Variants in SPOCK1 observed in about 807,000 individuals in gnomAD.
SPOCK1 encodes the protein testican-1.
SPOCK1 carries 23 observed loss-of-function variants against 55.3 expected under a neutral mutation model. That is an observed-to-expected ratio of 0.42 (90% confidence interval 0.30 to 0.59). The LOEUF is 0.59. SPOCK1 is among the 20% of genes least tolerant of loss of function. The pLI is 0.22. For synonymous variants in SPOCK1, 226 were observed against 221.0 expected, an observed-to-expected ratio of 1.02 and a Z score of -0.20; for missense variants, 499 against 552.5, an observed-to-expected ratio of 0.90 and a Z score of 0.97.
At chr5:137,186,137 T>C (rs145184544) in intron 3 of SPOCK1, among the ~76,000 whole-genome samples, 154 of 152,320 alleles carry the variant, frequency 1.0e-3, no homozygotes, top group Admixed American at 1.7e-3. Flanking sequence ...AGTCACCCCG[T>C]CTTTAACAAC....
chr5:137,042,665 T>C (rs1364004552), intron 6 of SPOCK1, among the ~76,000 whole-genome samples: 1 of 152,096 alleles, frequency 6.6e-6, no homozygotes, highest in African/African-American at 2.4e-5. Context: ...GATACTGGGA[T>C]TAAAGAATTA....
chr5:137,198,832 G>A lies in SPOCK1; in HGVS notation c.233-58138C>T, dbSNP rs181961250. On this transcript the variant is annotated intron_variant, in intron 3 of 10. Coordinates refer to ENST00000394945, the MANE Select transcript of SPOCK1 (RefSeq NM_004598.4). The stretch of plus-strand genomic sequence containing the variant: ...AAAACTCAACCATGTCTTCTATTAC[G>A]TGTTCTAAATTTTTATACATAACTC... Among the ~76,000 whole-genome samples, 7 of 152,160 alleles carry A rather than the reference G, an allele frequency of 4.6e-5. No homozygotes were observed. The East Asian group carries it at 7.7e-4, about 17-fold the overall frequency.
intron 2 of SPOCK1, among the ~76,000 whole-genome samples, chr5:137,356,826 TATATATATATATAGAGAGAG>T (rs1750819380): frequency 2.6e-4 from 5 of 19,338 alleles, no homozygotes; most frequent in South Asian, 2.7e-3. Flanking sequence ...TATATATATA[TATATATATATATAGAGAGAG>T]AGAGAGAGAG....
At chr5:137,116,494 A>C (rs1192619645) in intron 4 of SPOCK1, among the ~76,000 whole-genome samples, 1 of 151,928 alleles carries the variant, frequency 6.6e-6, no homozygotes, top group Non-Finnish European at 1.5e-5. Flanking sequence ...AAAATACAAA[A>C]AATTAGCTGG....
chr5:137,183,205 A>C (rs1459816615), intron 3 of SPOCK1, among the ~76,000 whole-genome samples: 2 of 152,192 alleles, frequency 1.3e-5, no homozygotes, highest in Non-Finnish European at 1.5e-5. Flanking sequence ...AAAGACTAAA[A>C]AGTACTCATC....
rs139694089 is a variant in SPOCK1 at position 137,220,564 on chromosome 5, C to A, written c.232+46446G>T. ...ACATAGGATGTAATAATTTGGCCCACATCACCCAGGTCTGACTCCTGAGTC... is the reference window on the plus strand; with the variant it reads ...ACATAGGATGTAATAATTTGGCCCAAATCACCCAGGTCTGACTCCTGAGTC... On this transcript the variant is annotated intron_variant, in intron 3 of 10. Coordinates refer to ENST00000394945, the MANE Select transcript of SPOCK1 (RefSeq NM_004598.4). Among the ~76,000 whole-genome samples the A allele has an allele frequency of 3.1e-3, 475 of 152,344 alleles. 3 individuals are homozygous for A. The highest frequency in any genetic ancestry group is 2.8e-3 in the Non-Finnish European group (191 of 68,030).
intron 3 of SPOCK1, among the ~76,000 whole-genome samples, chr5:137,203,554 T>C (rs1241463920): frequency 1.3e-5 from 2 of 152,172 alleles, no homozygotes; most frequent in Non-Finnish European, 2.9e-5. Flanking sequence ...GATTTCCTTA[T>C]CATTACTGCT....
chr5:137,498,765 G>A (rs1224995959), intron 1 of SPOCK1, among the ~76,000 whole-genome samples: 7 of 152,182 alleles, frequency 4.6e-5, no homozygotes, highest in Admixed American at 6.5e-5. Flanking sequence ...AGGAGGCTGC[G>A]TCACGAATCC....
At chr5:136,990,080 TTTTGTA>T (rs1295252622) in intron 7 of SPOCK1, among the ~76,000 whole-genome samples, 20 of 152,046 alleles carry the variant, frequency 1.3e-4, no homozygotes, top group Admixed American at 9.8e-4. Context: ...CAGCTAATTT[TTTTGTA>T]TTTTTAGTAG....
At chr5:137,080,404 G>T (rs1205458276) in intron 5 of SPOCK1, among the ~76,000 whole-genome samples, 1 of 152,180 alleles carries the variant, frequency 6.6e-6, no homozygotes, top group South Asian at 2.1e-4. Flanking sequence ...GCTGACAATG[G>T]TCTTCTCTGT....
chr5:137,114,270 G>A (rs1753533006), intron 4 of SPOCK1, among the ~76,000 whole-genome samples: 1 of 152,184 alleles, frequency 6.6e-6, no homozygotes, highest in South Asian at 2.1e-4. Context: ...GAAACTCAAT[G>A]AGAGCCAGAG....
intron 2 of SPOCK1, among the ~76,000 whole-genome samples, chr5:137,276,423 A>G (rs761570508): frequency 8.5e-5 from 13 of 152,210 alleles, no homozygotes; most frequent in Non-Finnish European, 1.3e-4. Context: ...CTGCCTGAAC[A>G]GAGCACTGAA....
chr5:137,093,711 A>G (rs189799743), intron 5 of SPOCK1, among the ~76,000 whole-genome samples: 224 of 152,306 alleles, frequency 1.5e-3, no homozygotes, highest in African/African-American at 5.2e-3. Context: ...CAGTCTAGGG[A>G]AACAGCATGC....
At chr5:137,075,964 CTG>C (rs1448841864) in intron 5 of SPOCK1, among the ~76,000 whole-genome samples, 29 of 152,202 alleles carry the variant, frequency 1.9e-4, no homozygotes, top group Admixed American at 1.3e-3. Flanking sequence ...TTTTACTTAA[CTG>C]GGATTTCGGA....
intron 2 of SPOCK1, among the ~76,000 whole-genome samples, chr5:137,269,116 G>A (rs1756912742): frequency 6.9e-6 from 1 of 145,328 alleles, no homozygotes; most frequent in African/African-American, 2.6e-5. Flanking sequence ...AAAAATCACA[G>A]TTTTAAGTAT....
chr5:137,068,296 A>G (rs184203572), intron 5 of SPOCK1, among the ~76,000 whole-genome samples: 75 of 152,228 alleles, frequency 4.9e-4, no homozygotes, highest in Non-Finnish European at 9.0e-4. Flanking sequence ...GTAAGTCTGT[A>G]TGGTAATCTG....
At chr5:137,018,063 C>T (rs545767860) in intron 6 of SPOCK1, among the ~76,000 whole-genome samples, 1 of 152,310 alleles carries the variant, frequency 6.6e-6, no homozygotes, top group East Asian at 1.9e-4. Context: ...GTTTTGCCCC[C>T]GAGGGGACAT....
intron 3 of SPOCK1, among the ~76,000 whole-genome samples, chr5:137,174,544 A>T (rs918374756): frequency 6.6e-6 from 1 of 152,218 alleles, no homozygotes; most frequent in Non-Finnish European, 1.5e-5. Context: ...GTCCTGACAC[A>T]TGAGCAGTGC....
At chr5:137,493,496 C>A (rs901348988) in intron 2 of SPOCK1, among the ~76,000 whole-genome samples, 2 of 152,204 alleles carry the variant, frequency 1.3e-5, no homozygotes, top group African/African-American at 4.8e-5. Flanking sequence ...GCTCTGCCAT[C>A]TGAGAAGACT....
Sources: allele counts gnomAD v4.1 joint callset (sites outside exome capture counted in the v4.1 genomes callset), GRCh38; gene constraint gnomAD v4.1.1; transcripts MANE v1.5; gene names NCBI Gene and HGNC (gene_info 2026-07-23, HGNC 2026-07-21).